The following FOXP1 variants were observed in gnomAD, a reference collection of about 807,000 sequenced individuals.
FOXP1 encodes forkhead box P1, also known as forkhead box protein P1.
Under a neutral mutation model 98.2 loss-of-function variants are expected in FOXP1, and 15 were observed. The observed-to-expected ratio is 0.15, with a 90% CI of 0.10 to 0.24. The LOEUF (loss-of-function observed/expected upper bound fraction) is 0.24. FOXP1 is among the 10% of genes least tolerant of loss of function. The pLI, the probability that FOXP1 is intolerant of heterozygous loss-of-function variation, is 1.00. For synonymous variants in FOXP1, 371 were observed against 314.5 expected (o/e 1.18, Z -1.90); for missense variants, 633 against 848.5 (o/e 0.75, Z 3.15).
At chr3:70,984,992 C>T (rs1559642800) in intron 14 of FOXP1, among the ~76,000 whole-genome samples, 2 of 152,186 alleles carry the variant, frequency 1.3e-5, no homozygotes, top group South Asian at 2.1e-4. Context: ...TGATTGGATA[C>T]AGCAAATGAC....
At chr3:71,409,923 G>C (rs1272247418) in intron 3 of FOXP1, among the ~76,000 whole-genome samples, 4 of 152,310 alleles carry the variant, frequency 2.6e-5, no homozygotes, top group African/African-American at 9.6e-5. Context: ...GGTGAGACGG[G>C]AGGATAACCT....
chr3:71,270,767 A>G (rs534584528), intron 5 of FOXP1, among the ~76,000 whole-genome samples: 4 of 152,220 alleles, frequency 2.6e-5, no homozygotes, highest in Non-Finnish European at 5.9e-5. Context: ...ACCTTGGCCA[A>G]TAAATTTTTC....
chr3:71,196,882 A>C (rs1231497026), intron 6 of FOXP1, among the ~76,000 whole-genome samples: 3 of 152,190 alleles, frequency 2.0e-5, no homozygotes, highest in Non-Finnish European at 4.4e-5. Context: ...AGAAAGATCA[A>C]ATCACTTGCA....
intron 7 of FOXP1, among the ~76,000 whole-genome samples, chr3:71,110,557 C>A (rs1293704648): frequency 2.0e-5 from 3 of 152,136 alleles, no homozygotes; most frequent in Non-Finnish European, 2.9e-5. Flanking sequence ...GGGCTAGCTC[C>A]CTGTATACAT....
chr3:71,246,619 C>A (rs1003758298), intron 5 of FOXP1, among the ~76,000 whole-genome samples: 3 of 152,152 alleles, frequency 2.0e-5, no homozygotes, highest in African/African-American at 7.2e-5. Context: ...ACCCCAAATA[C>A]CCATGAAATT....
At chr3:71,177,044 C>T (rs1267605163) in intron 6 of FOXP1, among the ~76,000 whole-genome samples, 2 of 152,098 alleles carry the variant, frequency 1.3e-5, no homozygotes, top group Admixed American at 6.5e-5. Context: ...GCCTGGGCAA[C>T]AGAGCAAGGC....
chr3:71,151,332 G>A (rs1228417900), intron 6 of FOXP1, among the ~76,000 whole-genome samples: 1 of 152,106 alleles, frequency 6.6e-6, no homozygotes, highest in Non-Finnish European at 1.5e-5. Flanking sequence ...CTTTCACTAC[G>A]CGCGTCAGGA....
intron 4 of FOXP1, among the ~76,000 whole-genome samples, chr3:71,358,071 T>A (rs1002934038): frequency 6.6e-6 from 1 of 152,196 alleles, no homozygotes; most frequent in African/African-American, 2.4e-5. Context: ...GGAAGCATAT[T>A]TGCTGAGCCT....
In FOXP1 at chr3:70,959,403, A is replaced by G; in HGVS notation, c.1890-12T>C. 6.2e-7 allele frequency: 1 copy of G among 1,614,090 alleles called. No individual in the cohort carries two copies. The highest frequency in any genetic ancestry group is 1.3e-5 in the African/African-American group (1 of 75,022). ...CGTGTACAGGATGCCTGGAAAAAATATGCAGAGGTTCAGTGAGGGTACTTC... is the reference window on the plus strand; with the variant it reads ...CGTGTACAGGATGCCTGGAAAAAATGTGCAGAGGTTCAGTGAGGGTACTTC... On this transcript the variant is annotated splice_polypyrimidine_tract_variant and intron_variant, in intron 20 of 20. Coordinates refer to ENST00000649528, the MANE Select transcript of FOXP1 (RefSeq NM_001349338.3).
Position 71,011,428 on chromosome 3 carries a change from T to C in FOXP1, c.974+4121A>G, listed in dbSNP as rs1308294361. On this transcript the variant is annotated intron_variant, in intron 12 of 20. Transcript: ENST00000649528. ...GGAAAGAGATACTCTGTGGGATTAA[T>C]AAACCTGTCCTCTTCAGTTCCACTT... 5.3e-5 allele frequency among the ~76,000 whole-genome samples: 8 copies of C among 152,088 alleles called. No individual in the cohort carries two copies. The East Asian group carries it at 1.4e-3, about 26-fold the overall frequency.
At chr3:71,246,306 C>G (rs566846395) in intron 5 of FOXP1, among the ~76,000 whole-genome samples, 1 of 152,214 alleles carries the variant, frequency 6.6e-6, no homozygotes, top group South Asian at 2.1e-4. Context: ...TGCGAGAACC[C>G]GAGAAACCTT....
intron 14 of FOXP1, among the ~76,000 whole-genome samples, chr3:70,986,311 T>C (rs751829338): frequency 7.9e-5 from 12 of 152,184 alleles, no homozygotes; most frequent in Non-Finnish European, 1.5e-4. Context: ...CTACGGGGTT[T>C]TGTAGTTCCT....
intron 4 of FOXP1, among the ~76,000 whole-genome samples, chr3:71,338,910 A>G (rs1287172113): frequency 6.6e-6 from 1 of 152,240 alleles, no homozygotes; most frequent in African/African-American, 2.4e-5. Flanking sequence ...GAAACACACT[A>G]GCTTTGAGTC....
At chr3:71,552,029 C>T (rs1469705081) in intron 2 of FOXP1, among the ~76,000 whole-genome samples, 3 of 152,158 alleles carry the variant, frequency 2.0e-5, no homozygotes, top group African/African-American at 7.2e-5. Flanking sequence ...TTACTAAGTG[C>T]CTGTCTTTGT....
intron 7 of FOXP1, among the ~76,000 whole-genome samples, chr3:71,073,668 G>A (rs919140449): frequency 5.3e-5 from 8 of 152,178 alleles, no homozygotes. Context: ...ATTATTTTCC[G>A]AGGGGGTGTC....
chr3:71,198,272 G>A lies in FOXP1; in HGVS notation c.110C>T (p.Ser37Phe), dbSNP rs1383155725. 1 of 1,614,144 alleles carries A rather than the reference G, an allele frequency of 6.2e-7. No homozygotes were observed. The highest frequency in any genetic ancestry group is 8.5e-7 in the Non-Finnish European group (1 of 1,180,038). ...GTCCACGGCCGGCGTCTCTCCGTTG[G>A]ACCGCCCCTCCCGAAGACCGCCGCA... The part of the protein sequence containing the change: ...LECGGLREGR[S>F]NGETPAVDIG... Residue 37 changes from serine to phenylalanine, a missense_variant, in exon 6 of 21, where the codon TCC becomes TTC. This residue lies in a region of FOXP1 where 103 missense variants were observed against 85.5 expected (regional missense o/e 1.20). Transcript: ENST00000649528.
rs549807296 is a variant in FOXP1 at position 70,958,582 on chromosome 3, C to T, written c.*665G>A. The T allele has an allele frequency of 4.4e-4, 102 of 232,050 alleles. No individual in the cohort carries two copies. The highest frequency in any genetic ancestry group is 1.2e-3 in the African/African-American group (50 of 42,744). The allele number at this position is 232,050 out of a possible 1,614,324, so 14.4% of individuals were successfully genotyped here. ...AAACTTTAAGCCTCCAAGAGGCCAT[C>T]GGCCCAAATGGAGGCCTGAGGTCAG... On this transcript the variant is annotated 3_prime_UTR_variant, in exon 21 of 21. Transcript: ENST00000649528.
At position 71,322,603 on chromosome 3, in the gene FOXP1, G is replaced by A. The variant is rs186920842; in HGVS notation, c.-72-22723C>T. 6.9e-4 allele frequency among the ~76,000 whole-genome samples: 105 copies of A among 152,292 alleles called. 1 individual carries two copies. Among genetic ancestry groups the A allele is most frequent in the Middle Eastern group, 3.4e-3 (1 of 292 alleles). ...GAGCCAGGTGGAGCGAGGCACACAT[G>A]CAAAGGTGCACTGTCATCAAGGGGC... On this transcript the variant is annotated intron_variant, in intron 4 of 20. Transcript: ENST00000649528.
intron 2 of FOXP1, among the ~76,000 whole-genome samples, chr3:71,568,472 G>A (rs2047086636): frequency 6.6e-6 from 1 of 152,016 alleles, no homozygotes; most frequent in Non-Finnish European, 1.5e-5. Context: ...AGTCCCACAG[G>A]GCCCCACATA....
Sources: allele counts gnomAD v4.1 joint callset (sites outside exome capture counted in the v4.1 genomes callset), GRCh38; gene constraint gnomAD v4.1.1; regional missense constraint gnomAD v4.1.1; transcripts MANE v1.5; gene names NCBI Gene and HGNC (gene_info 2026-07-23, HGNC 2026-07-21).